EDDM3A: variants seen among roughly 807,000 people sequenced by gnomAD.
EDDM3A encodes epididymal secretory protein E3-alpha.
For missense variants in EDDM3A, 199 were observed against 177.4 expected, an observed-to-expected ratio of 1.12 and a Z score of -0.69; for synonymous variants, 75 against 60.4, an observed-to-expected ratio of 1.24 and a Z score of -1.12.
At chr14:20,744,526 G>A (rs1877525988), upstream of EDDM3A, among the ~76,000 whole-genome samples, 1 of 152,148 alleles carries the variant, frequency 6.6e-6, no homozygotes, top group African/African-American at 2.4e-5. Context: ...CCAATTTGTG[G>A]GGAGTTGGCA....
chr14:20,747,674 G>C lies in EDDM3A; in HGVS notation c.94G>C (p.Glu32Gln), dbSNP rs116985083. The stretch of plus-strand genomic sequence containing the variant: ...ATACAGTAACAACATTTACTGGAGA[G>C]AATTCATAAAACTTCATTACTTAAG... Reference protein sequence around the residue: ...CVYSNNIYWREFIKLHYLSPS... With the variant: ...CVYSNNIYWRQFIKLHYLSPS... The change falls in exon 2 of 2, where the codon GAA becomes CAA. Residue 32 changes from glutamate to glutamine, a missense_variant. Glu to Gln is a conservative substitution (Grantham distance 29). Coordinates refer to ENST00000326842, the MANE Select transcript of EDDM3A (RefSeq NM_006683.5). 7,476 of 1,614,054 alleles carry C rather than the reference G, an allele frequency of 4.6e-3. 95 individuals are homozygous for C. The highest frequency in any genetic ancestry group is 0.038 in the South Asian group (3,471 of 91,072).
upstream of EDDM3A, among the ~76,000 whole-genome samples, chr14:20,741,644 G>A (rs1877437125): frequency 6.6e-6 from 1 of 152,086 alleles, no homozygotes; most frequent in African/African-American, 2.4e-5. Context: ...AAACCACAAA[G>A]GGGCCAATAA....
intron 1 of EDDM3A, among the ~76,000 whole-genome samples, chr14:20,746,488 A>G (rs150926916): frequency 2.0e-5 from 3 of 152,266 alleles, no homozygotes; most frequent in East Asian, 1.9e-4. Flanking sequence ...TTTTCAAACG[A>G]CCATACATCC....
Position 20,747,611 on chromosome 14 carries a change from C to T in EDDM3A, c.31C>T (p.Leu11Phe). 1.9e-6 allele frequency: 3 copies of T among 1,612,338 alleles called. No homozygotes were observed. The highest frequency in any genetic ancestry group is 1.3e-5 in the African/African-American group (1 of 74,966). Residue 11 changes from leucine to phenylalanine, a missense_variant, in exon 2 of 2, where the codon CTC becomes TTC. Physicochemically the swap from Leu to Phe is conservative, Grantham distance 22. Transcript: ENST00000326842. ...ATCCTCTCTAAAGATTTGGGGCATA[C>T]TCTTGGCCCTGCTTTGCATCCTTTG... is the stretch of plus-strand genomic sequence containing the variant. MTSSLKIWGI[L>F]LALLCILCRL... is the part of the protein sequence containing the mutation.
At chr14:20,746,838 A>G (rs1179870971) in intron 1 of EDDM3A, among the ~76,000 whole-genome samples, 1 of 152,186 alleles carries the variant, frequency 6.6e-6, no homozygotes, top group African/African-American at 2.4e-5. Flanking sequence ...GTAGTTACTC[A>G]TCTTCTACAT....
At chr14:20,738,533 A>G in the EDDM3A span, among the ~76,000 whole-genome samples, 1 of 152,108 alleles carries the variant, frequency 6.6e-6, no homozygotes, top group Admixed American at 6.6e-5. Flanking sequence ...TCAATGGTCA[A>G]TTTACATATG....
upstream of EDDM3A, among the ~76,000 whole-genome samples, chr14:20,743,312 G>T (rs1004292191): frequency 1.3e-5 from 2 of 152,196 alleles, no homozygotes; most frequent in East Asian, 1.9e-4. Context: ...CACTTTGAGA[G>T]GCCAAGGCGG....
chr14:20,747,973 A>C lies in EDDM3A; in HGVS notation c.393A>C (p.Gly131=). ...SYIEFHCGVD[G]YVDNIEDLRI... ...TTGAATTCCATTGTGGCGTAGATGG[A>C]TATGTTGATAACATAGAAGACCTGA... The change falls in exon 2 of 2, where the codon GGA becomes GGC. Residue 131 remains glycine (G), a synonymous_variant. Coordinates refer to ENST00000326842, the MANE Select transcript of EDDM3A (RefSeq NM_006683.5). The C allele has an allele frequency of 6.2e-7, 1 of 1,613,438 alleles. No homozygotes were observed. Among genetic ancestry groups the C allele is most frequent in the South Asian group, 1.1e-5 (1 of 90,876 alleles).
upstream of EDDM3A, among the ~76,000 whole-genome samples, chr14:20,741,022 C>T (rs74034395): frequency 0.045 from 6,865 of 152,262 alleles, 533 homozygotes; most frequent in African/African-American, 0.16. Context: ...ATTTGAAAAA[C>T]AGTATTGCTA....
upstream of EDDM3A, among the ~76,000 whole-genome samples, chr14:20,744,066 T>C (rs74034399): frequency 0.039 from 5,888 of 152,288 alleles, 369 homozygotes; most frequent in African/African-American, 0.14. Flanking sequence ...TTGTCTTCAA[T>C]AGACAATGCA....
At chr14:20,744,256 C>T (rs1384996540), upstream of EDDM3A, among the ~76,000 whole-genome samples, 1 of 152,184 alleles carries the variant, frequency 6.6e-6, no homozygotes, top group Non-Finnish European at 1.5e-5. Flanking sequence ...GACTATCTCC[C>T]GTCCATCCAG....
In EDDM3A at chr14:20,747,558, C is replaced by T. The variant is rs561148669; in HGVS notation, c.-23C>T. The stretch of plus-strand genomic sequence containing the variant: ...CTTTTCTTTCTCTTCCCTGTAGACA[C>T]GCAGGTGGACGTGGTGACTGAGATG... On this transcript the variant is annotated 5_prime_UTR_variant, in exon 2 of 2. It adds an upstream start codon to the 5' untranslated region. Coordinates refer to ENST00000326842, the MANE Select transcript of EDDM3A (RefSeq NM_006683.5). The T allele has an allele frequency of 1.0e-5, 16 of 1,559,072 alleles. No homozygotes were observed. In the South Asian group the frequency reaches 1.1e-4, roughly 11 times the overall value.
chr14:20,744,717 G>A (rs1233758551), upstream of EDDM3A, among the ~76,000 whole-genome samples: 3 of 152,260 alleles, frequency 2.0e-5, no homozygotes, highest in East Asian at 1.9e-4. Context: ...CAGATGTTAC[G>A]TATAGTAGCA....
At chr14:20,739,572 T>C in the EDDM3A span, among the ~76,000 whole-genome samples, 1 of 152,202 alleles carries the variant, frequency 6.6e-6, no homozygotes, top group Non-Finnish European at 1.5e-5. Flanking sequence ...ATGCCCCAGA[T>C]ACAAAGTCCT....
upstream of EDDM3A, among the ~76,000 whole-genome samples, chr14:20,743,087 A>C (rs184113064): frequency 1.3e-3 from 203 of 152,308 alleles, no homozygotes; most frequent in Non-Finnish European, 1.1e-3. Flanking sequence ...TCTGCACTGC[A>C]CTACTGCATT....
intron 1 of EDDM3A, among the ~76,000 whole-genome samples, chr14:20,746,651 A>G (rs946896005): frequency 6.6e-6 from 1 of 152,210 alleles, no homozygotes; most frequent in Non-Finnish European, 1.5e-5. Flanking sequence ...AATTAGGGAA[A>G]TGGCCTCTGA....
At chr14:20,745,077 C>T (rs1347256718), upstream of EDDM3A, among the ~76,000 whole-genome samples, 1 of 152,040 alleles carries the variant, frequency 6.6e-6, no homozygotes, top group Non-Finnish European at 1.5e-5. Flanking sequence ...ATACAAAAAA[C>T]TAGCCAGGCA....
chr14:20,745,525 C>CAAAAA (rs5807049), upstream of EDDM3A, among the ~76,000 whole-genome samples: 1 of 137,402 alleles, frequency 7.3e-6, no homozygotes, highest in Admixed American at 7.3e-5. Flanking sequence ...GACTCCATCT[C>CAAAAA]AAAAAAAAAA....
chr14:20,737,897 A>T, the EDDM3A span, among the ~76,000 whole-genome samples: 6 of 152,214 alleles, frequency 3.9e-5, no homozygotes, highest in Middle Eastern at 3.2e-3. Context: ...TGGGGTGGAA[A>T]AGTGCTAAAC....
Sources: gnomAD v4.1 joint callset for allele counts (sites outside exome capture counted in the v4.1 genomes callset) on GRCh38, gnomAD v4.1.1 for gene constraint, MANE v1.5 for transcripts, NCBI Gene and HGNC (gene_info 2026-07-23, HGNC 2026-07-21) for gene names.